Variants in GTF2A2 observed in about 807,000 individuals in gnomAD.
The protein encoded by GTF2A2 is general transcription factor IIA subunit 2.
Under a neutral mutation model 14.3 loss-of-function variants are expected in GTF2A2, and 9 were observed. The observed-to-expected ratio is 0.63, with a 90% CI of 0.38 to 1.10. The LOEUF is 1.10. Ranked by LOEUF, GTF2A2 falls within the 50% of genes least tolerant of loss-of-function variation. The pLI, the probability that GTF2A2 is intolerant of heterozygous loss-of-function variation, is 0.01. For synonymous variants in GTF2A2, 56 were observed against 46.0 expected, an observed-to-expected ratio of 1.22 and a Z score of -0.88; for missense variants, 90 against 124.6, an observed-to-expected ratio of 0.72 and a Z score of 1.32.
At chr15:59,650,816 T>C (rs1200120471) in intron 2 of GTF2A2, 43 bp from the exon 3 acceptor site, 1 of 1,017,944 alleles carries the variant, frequency 9.8e-7, no homozygotes, top group African/African-American at 1.6e-5. Context: ...AGGAAGAACA[T>C]TAAAGACAAA....
Position 59,652,584 on chromosome 15 carries a change from T to A in GTF2A2, c.-49-258A>T, listed in dbSNP as rs915965176. Among the ~76,000 whole-genome samples, 4 of 152,214 alleles carry A rather than the reference T, an allele frequency of 2.6e-5. No homozygotes were observed. In the South Asian group the frequency reaches 8.3e-4, roughly 32 times the overall value. On this transcript the variant is annotated intron_variant, in intron 1 of 4. Coordinates refer to ENST00000396060, the MANE Select transcript of GTF2A2 (RefSeq NM_004492.3). ...ATATTTATTAAAATGTCTTTACCAT[T>A]TCCTTCAAATGTCTGCCTTCTGACT...
chr15:59,655,192 G>T (rs560428075), intron 1 of GTF2A2, among the ~76,000 whole-genome samples: 2 of 152,180 alleles, frequency 1.3e-5, no homozygotes, highest in Non-Finnish European at 2.9e-5. Context: ...CACATAGGTG[G>T]CTACTTCTCC....
At chr15:59,657,093 AG>A (rs1346306474) in intron 1 of GTF2A2, 1 of 152,280 alleles carries the variant, frequency 6.6e-6, no homozygotes, top group Non-Finnish European at 1.5e-5. Context: ...CAAAACTCAC[AG>A]GGCGCTAGTG....
intron 4 of GTF2A2, among the ~76,000 whole-genome samples, chr15:59,641,256 C>G (rs1424909538): frequency 1.3e-5 from 2 of 149,212 alleles, no homozygotes; most frequent in African/African-American, 5.0e-5. Context: ...CATATACATA[C>G]ATTTTTGCAA....
At chr15:59,648,000 T>A (rs1183948908) in intron 3 of GTF2A2, among the ~76,000 whole-genome samples, 2 of 152,196 alleles carry the variant, frequency 1.3e-5, no homozygotes, top group African/African-American at 2.4e-5. Context: ...TTGGGGGGTG[T>A]GGCATTAAAT....
chr15:59,639,318 T>C (rs185215388), intron 4 of GTF2A2, among the ~76,000 whole-genome samples, 161 bp from the exon 5 acceptor site: 8 of 152,318 alleles, frequency 5.3e-5, no homozygotes, highest in East Asian at 1.9e-4. Flanking sequence ...TGTAAATATG[T>C]TGAACTTCAG....
chr15:59,648,729 T>TA (rs1300852475), intron 3 of GTF2A2, among the ~76,000 whole-genome samples: 1 of 152,136 alleles, frequency 6.6e-6, no homozygotes, highest in Non-Finnish European at 1.5e-5. Flanking sequence ...GGTCAGGAGA[T>TA]AGAGACCATC....
In GTF2A2 at chr15:59,642,230, A is replaced by G. The variant is rs1308280404; in HGVS notation, c.210T>C (p.Asn70=). 3.7e-6 allele frequency: 6 copies of G among 1,610,816 alleles called. No homozygotes were observed. The highest frequency in any genetic ancestry group is 5.1e-6 in the Non-Finnish European group (6 of 1,178,516). The stretch of plus-strand genomic sequence containing the variant: ...CATCATTCAGTACAAAAGTCCACAC[A>G]TTATCGCAGAATCTGTACGTATTTA... ...GSLNTYRFCD[N]VWTFVLNDVE... The change falls in exon 4 of 5, where the codon AAT becomes AAC. Residue 70 remains asparagine, a synonymous_variant. Coordinates refer to ENST00000396060, the MANE Select transcript of GTF2A2 (RefSeq NM_004492.3).
At chr15:59,640,136 T>C (rs1318496378) in intron 4 of GTF2A2, 1 of 152,242 alleles carries the variant, frequency 6.6e-6, no homozygotes, top group East Asian at 1.9e-4. Context: ...GAGTCAACAA[T>C]CTTCTCACTA....
At chr15:59,644,087 G>GT (rs1205437365) in intron 3 of GTF2A2, among the ~76,000 whole-genome samples, 1 of 151,786 alleles carries the variant, frequency 6.6e-6, no homozygotes, top group African/African-American at 2.4e-5. Context: ...TAGAGGCGGG[G>GT]TTTTGCCATG....
At chr15:59,643,964 G>T (rs1394525461) in intron 3 of GTF2A2, among the ~76,000 whole-genome samples, 1 of 152,042 alleles carries the variant, frequency 6.6e-6, no homozygotes, top group Admixed American at 6.5e-5. Context: ...CTGTGATCTT[G>T]ACCAACTGCA....
At chr15:59,651,291 C>T (rs1891784871) in intron 2 of GTF2A2, 1 of 152,758 alleles carries the variant, frequency 6.5e-6, no homozygotes, top group Admixed American at 6.5e-5. Context: ...GATTCTCCTG[C>T]CTCAGCCTCC....
intron 4 of GTF2A2, among the ~76,000 whole-genome samples, chr15:59,640,618 TA>T (rs1162388924): frequency 2.2e-4 from 33 of 152,148 alleles, no homozygotes; most frequent in Non-Finnish European, 3.8e-4. Context: ...ATGTCCGTGC[TA>T]AAAAAAAGTT....
intron 3 of GTF2A2, among the ~76,000 whole-genome samples, chr15:59,643,656 G>C (rs1355327072): frequency 4.0e-5 from 6 of 150,738 alleles, no homozygotes; most frequent in African/African-American, 1.5e-4. Context: ...GGAGGGCAGG[G>C]GTGTAATCTC....
chr15:59,655,799 G>A (rs191063221), intron 1 of GTF2A2, among the ~76,000 whole-genome samples: 19 of 152,228 alleles, frequency 1.2e-4, no homozygotes, highest in Non-Finnish European at 2.5e-4. Context: ...ACTTCTACGA[G>A]CTTGGGCAAA....
rs1595664476 is a variant in GTF2A2 at position 59,638,973 on chromosome 15, G to C, written c.*159C>G. ...ATGCTGTATAATAAAGGTGATGTAA[G>C]AGGCTACAGAGTTACAAGTTTCTTT... On this transcript the variant is annotated 3_prime_UTR_variant, in exon 5 of 5. Transcript: ENST00000396060. 2 of 608,688 alleles carry C rather than the reference G, an allele frequency of 3.3e-6. No homozygotes were observed. Among genetic ancestry groups the C allele is most frequent in the South Asian group, 3.6e-5 (2 of 54,992 alleles). 37.7% of individuals were successfully genotyped at this position (608,688 alleles called of 1,614,324 possible). A position where few individuals can be genotyped will look rare whatever the true frequency, so the allele number is the denominator to read the frequency against.
At chr15:59,648,741 T>C (rs188770883) in intron 3 of GTF2A2, among the ~76,000 whole-genome samples, 15 of 152,214 alleles carry the variant, frequency 9.9e-5, no homozygotes, top group African/African-American at 3.6e-4. Flanking sequence ...GAGACCATCC[T>C]GGCAAATACG....
At chr15:59,643,111 ACT>A (rs1891487297) in intron 3 of GTF2A2, among the ~76,000 whole-genome samples, 1 of 99,108 alleles carries the variant, frequency 1.0e-5, no homozygotes, top group Admixed American at 1.4e-4. Flanking sequence ...ACAGAGTCTC[ACT>A]CTGTTGCCCA....
intron 4 of GTF2A2, among the ~76,000 whole-genome samples, chr15:59,641,181 C>CTTTT (rs374075324): frequency 6.4e-5 from 9 of 141,382 alleles, no homozygotes; most frequent in African/African-American, 2.1e-4. Context: ...CAGCAAGACT[C>CTTTT]TTTTTTTTTT....
Sources: allele counts gnomAD v4.1 joint callset (sites outside exome capture counted in the v4.1 genomes callset), GRCh38; gene constraint gnomAD v4.1.1; transcripts MANE v1.5; gene names NCBI Gene and HGNC (gene_info 2026-07-23, HGNC 2026-07-21).